Variants in SYDE2 observed in about 807,000 individuals in gnomAD.
SYDE2 encodes rho GTPase-activating protein SYDE2.
Under a neutral mutation model 91.5 loss-of-function variants are expected in SYDE2, and 76 were observed. The observed-to-expected ratio is 0.83, with a 90% CI of 0.69 to 1.01. The LOEUF is 1.01. SYDE2 is among the 50% of genes least tolerant of loss of function. SYDE2 has a pLI of 0.00. For missense variants in SYDE2, 1,364 were observed against 1,367.7 expected, an observed-to-expected ratio of 1.00 and a Z score of 0.04; for synonymous variants, 513 against 506.4, an observed-to-expected ratio of 1.01 and a Z score of -0.18.
At chr1:85,180,065 T>A (rs535643647) in intron 3 of SYDE2, among the ~76,000 whole-genome samples, 1 of 152,298 alleles carries the variant, frequency 6.6e-6, no homozygotes, top group South Asian at 2.1e-4. Context: ...GCTCGATGCC[T>A]CTATGAAAGA....
At chr1:85,161,725 CAA>C (rs60732181) in intron 6 of SYDE2, among the ~76,000 whole-genome samples, 33 of 83,312 alleles carry the variant, frequency 4.0e-4, no homozygotes, top group East Asian at 1.1e-3. Context: ...GACTCCATCT[CAA>C]AAAAAAAAAA....
intron 1 of SYDE2, among the ~76,000 whole-genome samples, chr1:85,198,208 G>A (rs55806921): frequency 0.059 from 9,049 of 152,086 alleles, 320 homozygotes; most frequent in East Asian, 0.15. Context: ...TCCATACACA[G>A]GTACCAACTG....
intron 5 of SYDE2, 103 bp from the exon 6 acceptor site, chr1:85,164,860 G>C (rs1571228652): frequency 1.5e-6 from 1 of 682,978 alleles, no homozygotes; most frequent in Non-Finnish European, 2.1e-6. Context: ...CTTTTAAAAG[G>C]ATTTTTTTTA....
chr1:85,161,024 G>A, intron 6 of SYDE2: 2 of 980,706 alleles, frequency 2.0e-6, no homozygotes, highest in Non-Finnish European at 2.4e-6. Context: ...GACTACTGAT[G>A]TCAGAGTGGT....
intron 1 of SYDE2, among the ~76,000 whole-genome samples, chr1:85,192,494 T>C (rs560252056): frequency 1.2e-4 from 18 of 151,988 alleles, no homozygotes; most frequent in Non-Finnish European, 2.5e-4. Context: ...AATAAATAAA[T>C]AAACAAACCT....
intron 6 of SYDE2, chr1:85,161,033 G>T (rs1657035356): frequency 1.0e-6 from 1 of 981,882 alleles, no homozygotes; most frequent in African/African-American, 1.8e-5. Context: ...TGTCAGAGTG[G>T]TTTACAACTA....
intron 6 of SYDE2, among the ~76,000 whole-genome samples, chr1:85,162,564 C>T (rs886481669): frequency 2.6e-5 from 4 of 152,172 alleles, no homozygotes; most frequent in African/African-American, 9.6e-5. Context: ...ATTTTTAAAA[C>T]CACCAACACA....
intron 1 of SYDE2, among the ~76,000 whole-genome samples, chr1:85,192,645 G>A (rs1370247965): frequency 6.6e-6 from 1 of 152,146 alleles, no homozygotes; most frequent in African/African-American, 2.4e-5. Flanking sequence ...TGGCAGGCAT[G>A]AGAGATAAAG....
In SYDE2 at chr1:85,183,190, G is replaced by C. The variant is rs12090608; in HGVS notation, c.1452C>G (p.Ile484Met). Residue 484 changes from isoleucine to methionine, a missense_variant, in exon 3 of 7, where the codon ATC becomes ATG. Physicochemically the swap from Ile to Met is conservative, Grantham distance 10. Coordinates refer to ENST00000341460, the MANE Select transcript of SYDE2 (RefSeq NM_032184.2). The part of the protein sequence containing the change: ...MLKSPFAGSG[I>M]LAATNSTELG... Reference sequence around the variant, plus strand: ...ATTCAGTACTATTTGTAGCAGCCAGGATCCCAGAACCTTAAAAGAAAGAAA... The same window carrying C: ...ATTCAGTACTATTTGTAGCAGCCAGCATCCCAGAACCTTAAAAGAAAGAAA... 3.9e-3 allele frequency: 6,025 copies of C among 1,560,836 alleles called. 205 individuals carry two copies. The African/African-American group carries it at 0.075, about 19-fold the overall frequency.
In SYDE2 at chr1:85,190,705, C is replaced by T. The variant is rs749503785; in HGVS notation, c.793G>A (p.Glu265Lys). The T allele has an allele frequency of 1.2e-6, 2 of 1,613,210 alleles. No individual in the cohort carries two copies. The highest frequency in any genetic ancestry group is 2.2e-5 in the South Asian group (2 of 90,868). The change falls in exon 2 of 7, where the codon GAA becomes AAA. Residue 265 changes from glutamate (E) to lysine (K), a missense_variant. Physicochemically the swap from Glu to Lys is moderately conservative, Grantham distance 56. Coordinates refer to ENST00000341460, the MANE Select transcript of SYDE2 (RefSeq NM_032184.2). ...AATTCAATATTATCCTTCAGCTCTTCAAGTTCTCTTCCCTTCATTGAAGAC... is the reference window on the plus strand; with the variant it reads ...AATTCAATATTATCCTTCAGCTCTTTAAGTTCTCTTCCCTTCATTGAAGAC... ...YGSSMKGREL[E>K]ELKDNIEFRG...
rs774676939 is a variant in SYDE2 at position 85,182,307 on chromosome 1, C to A, written c.2335G>T (p.Ala779Ser). The change falls in exon 3 of 7, where the codon GCT (alanine) becomes TCT (serine). Residue 779 changes from alanine (A) to serine (S), a missense_variant. Transcript: ENST00000341460. ...AGACCTCTAGGTTCAAGTTTGACAG[C>A]CAACTGATGAGTCTTTGTCACTCTA... The part of the protein sequence containing the change: ...LFRVTKTHQL[A>S]VKLEPRGLIY... The A allele has an allele frequency of 6.3e-5, 102 of 1,613,662 alleles. No homozygotes were observed. Among genetic ancestry groups the A allele is most frequent in the Non-Finnish European group, 8.1e-5 (95 of 1,179,828 alleles).
chr1:85,153,954 C>G (rs1324304376), downstream of SYDE2: 1 of 152,064 alleles, frequency 6.6e-6, no homozygotes, highest in East Asian at 1.9e-4. Context: ...ACTATTTTCT[C>G]AACAAATTCA....
At chr1:85,199,479 T>A (rs1658725671) in intron 1 of SYDE2, among the ~76,000 whole-genome samples, 1 of 152,212 alleles carries the variant, frequency 6.6e-6, no homozygotes, top group Admixed American at 6.5e-5. Context: ...ATATACTTTT[T>A]AAAAAACTAA....
chr1:85,170,132 T>TA (rs397714455), intron 4 of SYDE2, among the ~76,000 whole-genome samples: 4 of 150,704 alleles, frequency 2.7e-5, no homozygotes, highest in South Asian at 4.2e-4. Flanking sequence ...TTTTTTTTTT[T>TA]AATTGTGACA....
chr1:85,195,466 T>C (rs1658551702), intron 1 of SYDE2, among the ~76,000 whole-genome samples: 2 of 152,108 alleles, frequency 1.3e-5, no homozygotes, highest in Admixed American at 1.3e-4. Flanking sequence ...GTGTGTATCT[T>C]TATCTTTCCT....
intron 1 of SYDE2, among the ~76,000 whole-genome samples, chr1:85,198,212 C>A (rs574226105): frequency 1.3e-5 from 2 of 152,212 alleles, no homozygotes; most frequent in South Asian, 2.1e-4. Context: ...TACACAGGTA[C>A]CAACTGAGTG....
intron 1 of SYDE2, 79 bp from the exon 2 acceptor site, chr1:85,190,831 A>G (rs1181470217): frequency 8.0e-7 from 1 of 1,256,766 alleles, no homozygotes; most frequent in African/African-American, 1.5e-5. Context: ...CCAGTTATTT[A>G]AAAAAATTTT....
intron 6 of SYDE2, chr1:85,160,134 C>A: frequency 2.0e-6 from 2 of 985,046 alleles, no homozygotes; most frequent in Non-Finnish European, 2.4e-6. Flanking sequence ...TAATATCTTT[C>A]TCTTTCTGCA....
chr1:85,161,200 C>T, intron 6 of SYDE2: 1 of 689,762 alleles, frequency 1.4e-6, no homozygotes, highest in Non-Finnish European at 1.8e-6. Flanking sequence ...CTTAATTTTT[C>T]CTTATCTTGT....
Sources: gnomAD v4.1 joint callset for allele counts (sites outside exome capture counted in the v4.1 genomes callset) on GRCh38, gnomAD v4.1.1 for gene constraint, MANE v1.5 for transcripts, NCBI Gene and HGNC (gene_info 2026-07-23, HGNC 2026-07-21) for gene names.